GRM7: variants seen among roughly 807,000 people sequenced by gnomAD.
The protein encoded by GRM7 is glutamate metabotropic receptor 7.
In GRM7, 35 loss-of-function variants were observed where a neutral mutation model predicts 84.5. That is an observed-to-expected ratio of 0.41 (90% confidence interval 0.32 to 0.55). The LOEUF (loss-of-function observed/expected upper bound fraction) is 0.55, where lower values mean the gene tolerates loss of function less well. Among genes scored for constraint, GRM7 ranks in the 20% least tolerant of loss-of-function variants. The pLI is 0.19. For synonymous variants in GRM7, 487 were observed against 455.1 expected (o/e 1.07, Z -0.89); for missense variants, 1,003 against 1,194.6 (o/e 0.84, Z 2.36).
At chr3:6,999,368 T>C (rs1281612405) in intron 1 of GRM7, among the ~76,000 whole-genome samples, 1 of 152,150 alleles carries the variant, frequency 6.6e-6, no homozygotes, top group Non-Finnish European at 1.5e-5. Context: ...CTTTCCCACA[T>C]CTTCCTGTCT....
At chr3:6,898,222 A>G (rs1454104534) in intron 1 of GRM7, among the ~76,000 whole-genome samples, 2 of 152,174 alleles carry the variant, frequency 1.3e-5, no homozygotes, top group African/African-American at 4.8e-5. Flanking sequence ...ACAGAAACAG[A>G]GAGAGACAAG....
At chr3:7,520,132 C>T (rs1176865259) in intron 7 of GRM7, 1 of 152,058 alleles carries the variant, frequency 6.6e-6, no homozygotes, top group Non-Finnish European at 1.5e-5. Flanking sequence ...TTATCCCCCA[C>T]CCAGATCAAA....
chr3:6,935,064 C>T (rs1487854591), intron 1 of GRM7, among the ~76,000 whole-genome samples: 1 of 152,128 alleles, frequency 6.6e-6, no homozygotes, highest in South Asian at 2.1e-4. Context: ...CCCTTGCCCT[C>T]GGCACTAACC....
At chr3:7,453,496 G>A (rs1386904595) in intron 6 of GRM7, among the ~76,000 whole-genome samples, 6 of 152,094 alleles carry the variant, frequency 3.9e-5, no homozygotes, top group Admixed American at 3.9e-4. Flanking sequence ...ACAAAACTCA[G>A]TAAAACACTT....
intron 2 of GRM7, among the ~76,000 whole-genome samples, chr3:7,276,772 T>C (rs78088837): frequency 0.021 from 2 of 94 alleles, no homozygotes; most frequent in South Asian, 0.33. Context: ...TCTCCCTTCC[T>C]TCCTTCCTTC....
At chr3:6,950,028 G>C (rs989719756) in intron 1 of GRM7, among the ~76,000 whole-genome samples, 4 of 152,110 alleles carry the variant, frequency 2.6e-5, no homozygotes, top group African/African-American at 9.7e-5. Flanking sequence ...GGAGTAGTTT[G>C]ATCTTCTGAA....
intron 1 of GRM7, among the ~76,000 whole-genome samples, chr3:6,987,995 C>CTT (rs34837684): frequency 3.6e-5 from 4 of 112,146 alleles, no homozygotes; most frequent in South Asian, 3.1e-4. Flanking sequence ...TCACCTCTAG[C>CTT]TTTTTTTTTT....
chr3:6,978,493 A>T (rs1023819159), intron 1 of GRM7, among the ~76,000 whole-genome samples: 6 of 152,142 alleles, frequency 3.9e-5, no homozygotes, highest in Non-Finnish European at 7.4e-5. Flanking sequence ...CTTCCCCCCC[A>T]TTTGATCCAA....
intron 1 of GRM7, among the ~76,000 whole-genome samples, chr3:7,099,874 A>G (rs1392190864): frequency 6.9e-6 from 1 of 144,404 alleles, no homozygotes; most frequent in Non-Finnish European, 1.5e-5. Flanking sequence ...ATGTATATGT[A>G]CACGCATTAT....
intron 1 of GRM7, among the ~76,000 whole-genome samples, chr3:7,042,612 T>C (rs1696668422): frequency 6.6e-6 from 1 of 152,156 alleles, no homozygotes; most frequent in Admixed American, 6.6e-5. Flanking sequence ...TAATACACTT[T>C]TAATTTTATC....
intron 7 of GRM7, among the ~76,000 whole-genome samples, chr3:7,565,166 C>G (rs893244940): frequency 1.6e-4 from 24 of 152,294 alleles, no homozygotes; most frequent in Non-Finnish European, 3.1e-4. Flanking sequence ...ATCCTTTCAT[C>G]ATTTCTAATT....
intron 7 of GRM7, among the ~76,000 whole-genome samples, chr3:7,478,002 A>G (rs528358223): frequency 6.6e-6 from 1 of 152,278 alleles, no homozygotes; most frequent in East Asian, 1.9e-4. Flanking sequence ...AGATAACTTT[A>G]TCAATGTGAG....
chr3:7,183,853 A>G (rs1695426636), intron 2 of GRM7, among the ~76,000 whole-genome samples: 1 of 152,148 alleles, frequency 6.6e-6, no homozygotes, highest in East Asian at 1.9e-4. Flanking sequence ...AAATAAAATA[A>G]ATCAGTATGA....
At chr3:7,017,430 G>A (rs541622454) in intron 1 of GRM7, among the ~76,000 whole-genome samples, 41 of 152,284 alleles carry the variant, frequency 2.7e-4, no homozygotes, top group African/African-American at 9.9e-4. Context: ...ATATCAACAG[G>A]CCATGAGCTG....
At chr3:7,064,585 C>T (rs372326815) in intron 1 of GRM7, among the ~76,000 whole-genome samples, 2 of 145,672 alleles carry the variant, frequency 1.4e-5, no homozygotes, top group Non-Finnish European at 3.0e-5. Context: ...GTTTCTTTAT[C>T]CTCTCATTGA....
chr3:7,107,591 A>G (rs1243444795), intron 1 of GRM7, among the ~76,000 whole-genome samples: 1 of 152,110 alleles, frequency 6.6e-6, no homozygotes, highest in African/African-American at 2.4e-5. Context: ...TGCTGGGATA[A>G]AAGTTCCAGT....
At chr3:7,736,355 T>C (rs1702500059) in intron 9 of GRM7, among the ~76,000 whole-genome samples, 1 of 152,208 alleles carries the variant, frequency 6.6e-6, no homozygotes, top group South Asian at 2.1e-4. Context: ...AGGTATCATC[T>C]ACTGCAGCAT....
At chr3:7,129,456 G>T (rs1035832075) in intron 1 of GRM7, among the ~76,000 whole-genome samples, 1 of 152,096 alleles carries the variant, frequency 6.6e-6, no homozygotes, top group South Asian at 2.1e-4. Context: ...ACAATATACT[G>T]GCTAAAAAAT....
In GRM7 at chr3:7,439,842, T is replaced by C. The variant is rs568695877; in HGVS notation, c.1175-12765T>C. ...AGGTTGCATTGAGGAGTAGTCAATG[T>C]GGATTTGGAGTTCCAGAGAGCACAA... On this transcript the variant is annotated intron_variant, in intron 5 of 9. Coordinates refer to ENST00000357716, the MANE Select transcript of GRM7 (RefSeq NM_000844.4). Among the ~76,000 whole-genome samples, 130 of 152,084 alleles carry C rather than the reference T, an allele frequency of 8.5e-4. 5 individuals carry two copies. In the South Asian group the frequency reaches 0.026, roughly 30 times the overall value.
Sources: gnomAD v4.1 joint callset for allele counts (sites outside exome capture counted in the v4.1 genomes callset) on GRCh38, gnomAD v4.1.1 for gene constraint, MANE v1.5 for transcripts, NCBI Gene and HGNC (gene_info 2026-07-23, HGNC 2026-07-21) for gene names.